Variants in PFKFB3 observed in about 807,000 individuals in gnomAD.
The protein encoded by PFKFB3 is 6-phosphofructo-2-kinase/fructose-2,6-biphosphatase 3, also known as 6-phosphofructo-2-kinase/fructose-2,6-bisphosphatase 3.
In PFKFB3, 33 loss-of-function variants were observed where a neutral mutation model predicts 68.0. That is an observed-to-expected ratio of 0.49 (90% CI 0.37 to 0.65). The LOEUF (loss-of-function observed/expected upper bound fraction) is 0.65. Ranked by LOEUF, PFKFB3 falls within the 30% of genes least tolerant of loss-of-function variation. The probability of loss-of-function intolerance (pLI) is 0.00; values close to 1 mark genes in which losing one functional copy is unlikely to be tolerated. For missense variants in PFKFB3, 586 were observed against 712.2 expected (o/e 0.82, Z 2.02); for synonymous variants, 315 against 288.2 (o/e 1.09, Z -0.94).
At chr10:6,167,574 T>A (rs1340532544) in intron 1 of PFKFB3, among the ~76,000 whole-genome samples, 1 of 152,220 alleles carries the variant, frequency 6.6e-6, no homozygotes, top group Admixed American at 6.5e-5. Flanking sequence ...AGAGACAATA[T>A]CTTGTTTTTC....
chr10:6,228,616 C>G lies in PFKFB3; in HGVS notation c.1515+2251C>G, dbSNP rs1272987255. Among the ~76,000 whole-genome samples, 1 of 152,126 alleles carries G rather than the reference C, an allele frequency of 6.6e-6. No homozygotes were observed. ...CCATTAGCCTTAAAGCCCCCTCCTG[C>G]CCCAGGAGTGTCCTTTGTTTTGGAA... On this transcript the variant is annotated intron_variant, in intron 14 of 14. Coordinates refer to ENST00000379775, the MANE Select transcript of PFKFB3 (RefSeq NM_004566.4). This position sits in a 1 kb window ranked among gnomAD's most constrained non-coding sequence, Gnocchi z 4.5.
intron 1 of PFKFB3, among the ~76,000 whole-genome samples, chr10:6,161,575 TAC>T (rs138248884): frequency 0.63 from 94,867 of 150,388 alleles, 32,117 homozygotes; most frequent in Non-Finnish European, 0.78. Flanking sequence ...TGTATATATA[TAC>T]ACACACACAT....
chr10:6,151,373 T>A (rs1339416050), intron 1 of PFKFB3, among the ~76,000 whole-genome samples: 2 of 147,058 alleles, frequency 1.4e-5, no homozygotes, highest in Non-Finnish European at 3.0e-5. Flanking sequence ...AAAACACACT[T>A]CCCCCTGGCC....
chr10:6,249,950 TATAA>T (rs1341834685), intron 14 of PFKFB3, among the ~76,000 whole-genome samples: 3 of 152,208 alleles, frequency 2.0e-5, no homozygotes, highest in African/African-American at 7.2e-5. Context: ...CCTAGCCATA[TATAA>T]ATATTATTTG....
intron 14 of PFKFB3, among the ~76,000 whole-genome samples, chr10:6,250,358 A>G (rs1846352935): frequency 6.6e-6 from 1 of 152,046 alleles, no homozygotes. Flanking sequence ...GAGATCAGGC[A>G]ATCGAGACCA....
intron 1 of PFKFB3, among the ~76,000 whole-genome samples, chr10:6,167,493 TCACATTTTAA>T (rs1415401468): frequency 1.3e-5 from 2 of 152,242 alleles, no homozygotes; most frequent in African/African-American, 2.4e-5. Context: ...TATTAAATTG[TCACATTTTAA>T]CACATTTTAA....
At chr10:6,221,183 A>G (rs938174181) in intron 8 of PFKFB3, among the ~76,000 whole-genome samples, 198 bp from the exon 9 acceptor site, 1 of 152,026 alleles carries the variant, frequency 6.6e-6, no homozygotes, top group African/African-American at 2.4e-5. Context: ...GCGGTTGTGC[A>G]CTAGGAAGGG....
At chr10:6,169,331 T>A (rs936705826) in intron 1 of PFKFB3, among the ~76,000 whole-genome samples, 2 of 152,140 alleles carry the variant, frequency 1.3e-5, no homozygotes, top group African/African-American at 4.8e-5. Context: ...TTCTTAGTCT[T>A]ACGCAGGGAG....
At chr10:6,201,640 G>A (rs1423867860), upstream of PFKFB3, among the ~76,000 whole-genome samples, 1 of 152,088 alleles carries the variant, frequency 6.6e-6, no homozygotes. This position sits in a 1 kb window ranked among gnomAD's most constrained non-coding sequence, Gnocchi z 4.1. Flanking sequence ...TGGAGCATGC[G>A]GGACGTGAGC....
chr10:6,215,725 C>T lies in PFKFB3; in HGVS notation c.300-400C>T, dbSNP rs750850507. 3.3e-5 allele frequency among the ~76,000 whole-genome samples: 5 copies of T among 152,172 alleles called. No homozygotes were observed. Among genetic ancestry groups the T allele is most frequent in the African/African-American group, 4.8e-5 (2 of 41,426 alleles). ...TTTGGAAAGGATTTCTTGTTAAGTGCGAGTTGATTGTGAAACCCTAGTGCA... is the reference window on the plus strand; with the variant it reads ...TTTGGAAAGGATTTCTTGTTAAGTGTGAGTTGATTGTGAAACCCTAGTGCA... On this transcript the variant is annotated intron_variant, in intron 3 of 14. Transcript: ENST00000379775. This position sits in a 1 kb window ranked among gnomAD's most constrained non-coding sequence, Gnocchi z 4.3.
chr10:6,214,346 C>T (rs1037316144), intron 2 of PFKFB3, among the ~76,000 whole-genome samples: 2 of 140,902 alleles, frequency 1.4e-5, no homozygotes, highest in African/African-American at 5.9e-5. Flanking sequence ...CAGTTTCATC[C>T]CAAAGCCGTA....
chr10:6,208,088 G>C (rs10906000), intron 1 of PFKFB3, among the ~76,000 whole-genome samples: 116,156 of 151,972 alleles, frequency 0.76, 44,685 homozygotes, highest in East Asian at 0.99. Context: ...ACCAAACTTT[G>C]TTTTTTGAGA....
chr10:6,214,371 C>T (rs1844425015), intron 2 of PFKFB3, among the ~76,000 whole-genome samples: 1 of 152,018 alleles, frequency 6.6e-6, no homozygotes, highest in African/African-American at 2.4e-5. Flanking sequence ...CACAACCCCT[C>T]CCTGTCCGTG....
At chr10:6,217,312 C>T (rs1282725883) in intron 6 of PFKFB3, 121 bp downstream of exon 6, 2 of 887,348 alleles carry the variant, frequency 2.3e-6, no homozygotes, top group Non-Finnish European at 3.7e-6. Flanking sequence ...GGATGAGCAG[C>T]CCCCAGCTGG....
intron 1 of PFKFB3, among the ~76,000 whole-genome samples, chr10:6,180,355 A>G (rs1440183946): frequency 6.6e-6 from 1 of 152,228 alleles, no homozygotes; most frequent in African/African-American, 2.4e-5. Flanking sequence ...TTATTGTACA[A>G]AGGACAGGAA....
the PFKFB3 span, among the ~76,000 whole-genome samples, chr10:6,288,865 GT>G: frequency 1.3e-5 from 2 of 152,020 alleles, no homozygotes; most frequent in African/African-American, 4.8e-5. Flanking sequence ...TCCAGCACCT[GT>G]TTTTTCCTGA....
At chr10:6,286,722 G>A in the PFKFB3 span, among the ~76,000 whole-genome samples, 255 of 152,298 alleles carry the variant, frequency 1.7e-3, 1 homozygote, top group African/African-American at 5.8e-3. Context: ...CACATTTAAA[G>A]TGATTATTTT....
intron 1 of PFKFB3, among the ~76,000 whole-genome samples, chr10:6,180,850 C>T (rs2131786648): frequency 6.6e-6 from 1 of 152,278 alleles, no homozygotes; most frequent in Middle Eastern, 3.4e-3. Flanking sequence ...ATGTTCTACT[C>T]TGTGTGTTAG....
At chr10:6,226,488 C>T (rs567002887) in intron 14 of PFKFB3, 123 bp downstream of exon 14, 13 of 886,878 alleles carry the variant, frequency 1.5e-5, no homozygotes, top group African/African-American at 1.0e-4. Context: ...GGTGCGCGTG[C>T]GTATGTTGTA....
Sources: allele counts gnomAD v4.1 joint callset (sites outside exome capture counted in the v4.1 genomes callset), GRCh38; gene constraint gnomAD v4.1.1; non-coding constraint Gnocchi (gnomAD v3.1); transcripts MANE v1.5; gene names NCBI Gene and HGNC (gene_info 2026-07-23, HGNC 2026-07-21).